TCF12: variants seen among roughly 807,000 people sequenced by gnomAD.
TCF12 encodes transcription factor 12.
A neutral mutation model predicts 86.0 loss-of-function variants in TCF12; 45 were observed. The ratio of observed to expected loss-of-function variants is 0.52; its 90% CI spans 0.41 to 0.67. The LOEUF (loss-of-function observed/expected upper bound fraction) is 0.67. Among genes scored for constraint, TCF12 ranks in the 30% least tolerant of loss-of-function variants. TCF12 has a pLI of 0.00. For missense variants in TCF12, 881 were observed against 859.9 expected (o/e 1.02, Z -0.31); for synonymous variants, 330 against 299.6 (o/e 1.10, Z -1.05).
At chr15:57,037,138 C>T (rs2066552310) in intron 3 of TCF12, among the ~76,000 whole-genome samples, 3 of 152,094 alleles carry the variant, frequency 2.0e-5, no homozygotes, top group Admixed American at 2.0e-4. Flanking sequence ...AAATGACATC[C>T]TGTGCAGATT....
At chr15:57,194,706 A>T (rs1354559551) in intron 7 of TCF12, among the ~76,000 whole-genome samples, 1 of 152,128 alleles carries the variant, frequency 6.6e-6, no homozygotes, top group Non-Finnish European at 1.5e-5. Context: ...GTTCAGTCTC[A>T]TACTTGTGTT....
chr15:57,026,347 C>T (rs552724491), intron 3 of TCF12, among the ~76,000 whole-genome samples: 1 of 152,304 alleles, frequency 6.6e-6, no homozygotes, highest in East Asian at 1.9e-4. Flanking sequence ...TTTAAGAGAA[C>T]TTTCAAGAGA....
At chr15:57,230,041 ATAAAG>A (rs1244032613) in intron 8 of TCF12, among the ~76,000 whole-genome samples, 1 of 151,978 alleles carries the variant, frequency 6.6e-6, no homozygotes, top group Non-Finnish European at 1.5e-5. Flanking sequence ...GTAGAAGAAC[ATAAAG>A]TAAAAGTCTT....
intron 6 of TCF12, among the ~76,000 whole-genome samples, chr15:57,170,794 A>T (rs868681181): frequency 0.037 from 1,331 of 35,662 alleles, 78 homozygotes; most frequent in African/African-American, 0.12. Context: ...TATATATAAT[A>T]TATATATATA....
At chr15:57,049,529 G>C (rs775205939) in intron 3 of TCF12, among the ~76,000 whole-genome samples, 2 of 152,214 alleles carry the variant, frequency 1.3e-5, no homozygotes, top group African/African-American at 4.8e-5. Flanking sequence ...ACGTTGTTGT[G>C]TGTATTAGCA....
At chr15:57,269,217 G>C (rs755401643) in intron 18 of TCF12, among the ~76,000 whole-genome samples, 1 of 152,058 alleles carries the variant, frequency 6.6e-6, no homozygotes, top group African/African-American at 2.4e-5. Context: ...CGTGTATTGG[G>C]TGTGTATATA....
intron 3 of TCF12, among the ~76,000 whole-genome samples, chr15:56,984,241 A>T (rs2063054374): frequency 8.2e-6 from 1 of 121,362 alleles, no homozygotes; most frequent in Admixed American, 8.9e-5. Context: ...TAGGAAAAGC[A>T]TGTGCATGGT....
Position 57,157,569 on chromosome 15 carries a change from T to TCC in TCF12, c.326-8832_326-8831dup, listed in dbSNP as rs771765775. Among the ~76,000 whole-genome samples, 510 of 149,652 alleles carry TCC rather than the reference T, an allele frequency of 3.4e-3. 3 individuals are homozygous for TCC. The highest frequency in any genetic ancestry group is 4.5e-3 in the African/African-American group (182 of 40,404). On this transcript the variant is annotated intron_variant, in intron 5 of 20. Coordinates refer to ENST00000333725, the MANE Select transcript of TCF12 (RefSeq NM_207037.2). ...AGTTTACTTCTTTTTTTTTTTTTTT[T>TCC]CCTTTTTTGAGTCGGAGTCTTGCTA...
intron 5 of TCF12, among the ~76,000 whole-genome samples, chr15:57,137,701 A>G (rs1277407305): frequency 6.6e-6 from 1 of 152,144 alleles, no homozygotes; most frequent in African/African-American, 2.4e-5. Context: ...GGCAGAGATT[A>G]TAATTCTGAG....
chr15:57,172,967 G>T (rs1270659277), intron 6 of TCF12, among the ~76,000 whole-genome samples: 3 of 151,036 alleles, frequency 2.0e-5, no homozygotes. Flanking sequence ...AAGAAAACTA[G>T]TCAGGTGTGG....
At chr15:57,241,668 C>G (rs761311666) in intron 12 of TCF12, among the ~76,000 whole-genome samples, 3 of 152,110 alleles carry the variant, frequency 2.0e-5, no homozygotes, top group Non-Finnish European at 4.4e-5. Flanking sequence ...CTTTGGGCTG[C>G]TTACAATTTG....
At chr15:57,118,712 T>G (rs1309461674) in intron 5 of TCF12, among the ~76,000 whole-genome samples, 2 of 152,226 alleles carry the variant, frequency 1.3e-5, no homozygotes, top group Non-Finnish European at 2.9e-5. Context: ...CAGATTTTTA[T>G]GTCTAATGTG....
chr15:57,024,910 A>G (rs576586685), intron 3 of TCF12, among the ~76,000 whole-genome samples: 42 of 152,330 alleles, frequency 2.8e-4, no homozygotes, highest in Admixed American at 2.6e-4. Context: ...ATCCTACATT[A>G]AAATGTTGGG....
At chr15:57,055,278 G>A (rs901259771) in intron 3 of TCF12, among the ~76,000 whole-genome samples, 5 of 151,984 alleles carry the variant, frequency 3.3e-5, no homozygotes, top group South Asian at 4.1e-4. Context: ...GGCGCACGCC[G>A]GTAATCCCAG....
chr15:57,173,641 G>A (rs2055689228), intron 6 of TCF12, among the ~76,000 whole-genome samples: 1 of 151,068 alleles, frequency 6.6e-6, no homozygotes. Flanking sequence ...TTAAATAAAT[G>A]AATTCCTTGA....
At chr15:57,135,152 A>G (rs2052427877) in intron 5 of TCF12, among the ~76,000 whole-genome samples, 1 of 152,220 alleles carries the variant, frequency 6.6e-6, no homozygotes. Flanking sequence ...TTTTGCCTGC[A>G]GCTTTACTAT....
chr15:56,967,097 G>A (rs1417494392), intron 3 of TCF12, among the ~76,000 whole-genome samples: 1 of 151,878 alleles, frequency 6.6e-6, no homozygotes, highest in Non-Finnish European at 1.5e-5. Flanking sequence ...ACTCCAGCCT[G>A]GGCAACAGAG....
chr15:57,231,075 C>T, intron 8 of TCF12, 77 bp from the exon 9 acceptor site: 3 of 1,122,326 alleles, frequency 2.7e-6, no homozygotes, highest in South Asian at 1.4e-5. Context: ...AAGCCCCTTA[C>T]AGAATATAGA....
In TCF12 at chr15:57,247,292, C is replaced by A; in HGVS notation, c.1114+3742C>A. ...ACCTCCTCCATAACTACCTCTGCTG[C>A]CACCACCTTCACCACCATAGCCTCC... On this transcript the variant is annotated intron_variant, in intron 13 of 20. Coordinates refer to ENST00000333725, the MANE Select transcript of TCF12 (RefSeq NM_207037.2). The A allele has an allele frequency of 4.6e-6, 3 of 657,334 alleles. No individual in the cohort carries two copies. In the South Asian group the frequency reaches 4.8e-5, roughly 10 times the overall value. The allele number at this position is 657,334 out of a possible 1,614,324, so 40.7% of individuals were successfully genotyped here. A position where few individuals can be genotyped will look rare whatever the true frequency, so the allele number is the denominator to read the frequency against.
Sources: gnomAD v4.1 joint callset for allele counts (sites outside exome capture counted in the v4.1 genomes callset) on GRCh38, gnomAD v4.1.1 for gene constraint, MANE v1.5 for transcripts, NCBI Gene and HGNC (gene_info 2026-07-23, HGNC 2026-07-21) for gene names.